DENND11: variants seen among roughly 807,000 people sequenced by gnomAD.
DENND11 encodes DENN domain containing 11, also known as DENN domain-containing protein 11.
Under a neutral mutation model 49.2 loss-of-function variants are expected in DENND11, and 34 were observed. The observed-to-expected ratio is 0.69, with a 90% CI of 0.53 to 0.92. The LOEUF is 0.92. Ranked by LOEUF, DENND11 falls within the 40% of genes least tolerant of loss-of-function variation. DENND11 has a pLI of 0.00. For synonymous variants in DENND11, 238 were observed against 230.3 expected (o/e 1.03, Z -0.30); for missense variants, 475 against 581.6 (o/e 0.82, Z 1.88).
At chr7:141,664,000 C>A (rs959036515) in intron 8 of DENND11, among the ~76,000 whole-genome samples, 172 bp downstream of exon 8, 5 of 152,198 alleles carry the variant, frequency 3.3e-5, no homozygotes, top group Non-Finnish European at 2.9e-5. Flanking sequence ...TGGGTTCCCC[C>A]TAATGGCATT....
intron 3 of DENND11, among the ~76,000 whole-genome samples, chr7:141,677,517 ATATG>A (rs200440675): frequency 9.3e-6 from 1 of 107,280 alleles, no homozygotes; most frequent in Admixed American, 1.0e-4. Context: ...ATATATATAT[ATATG>A]TATATATATA....
chr7:141,657,617 C>G lies in DENND11; in HGVS notation c.*5039G>C, dbSNP rs1175904027. ...TTTATTGTTAGTCTAAATAAGCATT[C>G]TATAGCAAACATAAGTAATTCACAC... On this transcript the variant is annotated 3_prime_UTR_variant, in exon 9 of 9. Transcript: ENST00000536163. 2 of 152,240 alleles carry G rather than the reference C, an allele frequency of 1.3e-5. No homozygotes were observed. Among genetic ancestry groups the G allele is most frequent in the African/African-American group, 4.8e-5 (2 of 41,418 alleles). 9.4% of individuals were successfully genotyped at this position (152,240 alleles called of 1,614,324 possible). A position where few individuals can be genotyped will look rare whatever the true frequency, so the allele number is the denominator to read the frequency against.
rs1797876307 is a variant in DENND11, at chr7:141,665,313, A to C, written c.826T>G (p.Cys276Gly). Residue 276 changes from cysteine to glycine, a missense_variant, in exon 6 of 9, where the codon TGC becomes GGC. Physicochemically the swap from Cys to Gly is radical, Grantham distance 159. Transcript: ENST00000536163. ...PVGVVCYRVY[C>G]CCCLANVSLP... The stretch of plus-strand genomic sequence containing the variant: ...GAAACGTTGGCCAAGCAGCAGCAGC[A>C]GTACACTGTGGGGATAGAGGAGGTG... 7.4e-6 allele frequency: 12 copies of C among 1,613,916 alleles called. No homozygotes were observed. The highest frequency in any genetic ancestry group is 1.0e-5 in the Non-Finnish European group (12 of 1,179,870).
chr7:141,701,890 G>A lies in DENND11; in HGVS notation c.264C>T (p.Arg88=). 3 of 1,205,752 alleles carry A rather than the reference G, an allele frequency of 2.5e-6. No homozygotes were observed. Among genetic ancestry groups the A allele is most frequent in the Middle Eastern group, 3.0e-4 (1 of 3,354 alleles). 74.7% of individuals were successfully genotyped at this position (1,205,752 alleles called of 1,614,324 possible). A position where few individuals can be genotyped will look rare whatever the true frequency, so the allele number is the denominator to read the frequency against. The stretch of plus-strand genomic sequence containing the variant: ...TGGCCCCGGCGCGGCCCTCACCCGA[G>A]CGGGGGTCGAAGGTGACCACGAACA... ...VAVFVVTFDP[R]SGNMVEWCLP... Residue 88 remains arginine, a synonymous_variant, in exon 1 of 9, where the codon CGC becomes CGT. Coordinates refer to ENST00000536163, the MANE Select transcript of DENND11 (RefSeq NM_001080392.2).
rs1251738917 is a variant in DENND11, at chr7:141,660,213, A to G, written c.*2443T>C. On this transcript the variant is annotated 3_prime_UTR_variant, in exon 9 of 9. Transcript: ENST00000536163. ...GGCTCTGCACAAGATTTCTGGTCCTATGAAGAAGCTGGCAAGGTAGGGAAG... is the reference window on the plus strand; with the variant it reads ...GGCTCTGCACAAGATTTCTGGTCCTGTGAAGAAGCTGGCAAGGTAGGGAAG... 2 of 152,330 alleles carry G rather than the reference A, an allele frequency of 1.3e-5. No homozygotes were observed. Among genetic ancestry groups the G allele is most frequent in the African/African-American group, 4.8e-5 (2 of 41,472 alleles). The allele number at this position is 152,330 out of a possible 1,614,324, so 9.4% of individuals were successfully genotyped here.
At chr7:141,678,124 GC>G (rs1324065420) in intron 3 of DENND11, among the ~76,000 whole-genome samples, 5 of 152,058 alleles carry the variant, frequency 3.3e-5, no homozygotes, top group Non-Finnish European at 2.9e-5. Context: ...GCCACGCCCA[GC>G]TAAGTTTTTG....
In DENND11 at chr7:141,660,225, G is replaced by C. The variant is rs1281277224; in HGVS notation, c.*2431C>G. 1.3e-5 allele frequency: 2 copies of C among 152,304 alleles called. No homozygotes were observed. Among genetic ancestry groups the C allele is most frequent in the Non-Finnish European group, 2.9e-5 (2 of 68,110 alleles). 9.4% of individuals were successfully genotyped at this position (152,304 alleles called of 1,614,324 possible). The stretch of plus-strand genomic sequence containing the variant: ...GATTTCTGGTCCTATGAAGAAGCTG[G>C]CAAGGTAGGGAAGGACCAATTTATT... On this transcript the variant is annotated 3_prime_UTR_variant, in exon 9 of 9. Coordinates refer to ENST00000536163, the MANE Select transcript of DENND11 (RefSeq NM_001080392.2).
intron 3 of DENND11, among the ~76,000 whole-genome samples, chr7:141,677,138 T>C (rs1798069855): frequency 6.6e-6 from 1 of 152,112 alleles, no homozygotes; most frequent in Non-Finnish European, 1.5e-5. Context: ...ATTATTGGTC[T>C]GAACAGGCCG....
intron 1 of DENND11, 134 bp from the exon 2 acceptor site, chr7:141,686,792 C>T (rs1467623427): frequency 1.6e-6 from 1 of 640,744 alleles, no homozygotes. Flanking sequence ...GCGAGATGCT[C>T]AGAGCTCAGC....
At chr7:141,670,464 A>G (rs955164230) in intron 4 of DENND11, among the ~76,000 whole-genome samples, 1 of 152,262 alleles carries the variant, frequency 6.6e-6, no homozygotes, top group African/African-American at 2.4e-5. Context: ...TGTAAAAACC[A>G]ACATAGTATA....
rs1404701124 is a variant in DENND11 at position 141,686,645 on chromosome 7, T to C, written c.282A>G (p.Glu94=). Residue 94 remains glutamate (E), a synonymous_variant, in exon 2 of 9, where the codon GAA becomes GAG. Transcript: ENST00000536163. Reference sequence around the variant, plus strand: ...GGTCAATATCTTGAGGTAAGCACCATTCTACCATGTTTCCTGCAGGAAAAG... The same window carrying C: ...GGTCAATATCTTGAGGTAAGCACCACTCTACCATGTTTCCTGCAGGAAAAG... ...TFDPRSGNMV[E]WCLPQDIDLE... 6.2e-7 allele frequency: 1 copy of C among 1,611,514 alleles called. No individual in the cohort carries two copies. The highest frequency in any genetic ancestry group is 2.2e-5 in the East Asian group (1 of 44,880).
chr7:141,680,603 A>G (rs938260577), intron 3 of DENND11, among the ~76,000 whole-genome samples: 4 of 151,390 alleles, frequency 2.6e-5, no homozygotes, highest in African/African-American at 4.8e-5. Flanking sequence ...GAACTGGTCA[A>G]TGGAATGTGA....
chr7:141,687,180 T>C (rs1231868134), intron 1 of DENND11, among the ~76,000 whole-genome samples: 2 of 152,174 alleles, frequency 1.3e-5, no homozygotes, highest in Non-Finnish European at 2.9e-5. Flanking sequence ...TAGAATACTA[T>C]TTTAGTGCTT....
At chr7:141,673,973 A>G in intron 4 of DENND11, 94 bp downstream of exon 4, 2 of 1,416,590 alleles carry the variant, frequency 1.4e-6, no homozygotes, top group Admixed American at 4.6e-5. Flanking sequence ...TATGATCCAA[A>G]GACATAAATT....
At position 141,674,149 on chromosome 7, in the gene DENND11, T is replaced by C. The variant is rs1025220232; in HGVS notation, c.599A>G (p.His200Arg). 17 of 1,578,860 alleles carry C rather than the reference T, an allele frequency of 1.1e-5. No homozygotes were observed. The highest frequency in any genetic ancestry group is 2.3e-5 in the East Asian group (1 of 43,224). ...GCTGCTGCCTCTGCCGGGACCAGCA[T>C]GGAGCACCCCCTTTTTGTCCTCATA... ...AFYEDKKGVLHAGPGRGSSLP... is the reference protein window; with the variant it reads ...AFYEDKKGVLRAGPGRGSSLP... The change falls in exon 4 of 9, where the codon CAT becomes CGT. Residue 200 changes from histidine to arginine, a missense_variant. His to Arg is a conservative substitution (Grantham distance 29, BLOSUM62 0). Coordinates refer to ENST00000536163, the MANE Select transcript of DENND11 (RefSeq NM_001080392.2).
chr7:141,664,108 T>A, intron 8 of DENND11, 64 bp downstream of exon 8: 1 of 1,280,250 alleles, frequency 7.8e-7, no homozygotes, highest in Non-Finnish European at 1.1e-6. Flanking sequence ...ATGGGAGGGA[T>A]GCAGGTCACT....
intron 1 of DENND11, among the ~76,000 whole-genome samples, chr7:141,700,425 A>G (rs1234172281): frequency 6.6e-6 from 1 of 151,836 alleles, no homozygotes; most frequent in African/African-American, 2.4e-5. Flanking sequence ...CTTAAAAAAA[A>G]GAGAAAAGAG....
intron 4 of DENND11, among the ~76,000 whole-genome samples, chr7:141,672,134 G>A (rs993418440): frequency 2.0e-4 from 30 of 152,284 alleles, no homozygotes; most frequent in African/African-American, 7.0e-4. Context: ...CTCCCTCAGC[G>A]ATCTGAGCAC....
chr7:141,693,652 C>G (rs1052812083), intron 1 of DENND11, among the ~76,000 whole-genome samples: 1 of 152,116 alleles, frequency 6.6e-6, no homozygotes, highest in Non-Finnish European at 1.5e-5. Flanking sequence ...AGGAAATACT[C>G]TATAGCAATA....
Sources: allele counts gnomAD v4.1 joint callset (sites outside exome capture counted in the v4.1 genomes callset), GRCh38; gene constraint gnomAD v4.1.1; transcripts MANE v1.5; gene names NCBI Gene and HGNC (gene_info 2026-07-23, HGNC 2026-07-21).